ZNF536: variants seen among roughly 807,000 people sequenced by gnomAD.
ZNF536 encodes the protein zinc finger protein 536.
Under a neutral mutation model 84.5 loss-of-function variants are expected in ZNF536, and 13 were observed. That is an observed-to-expected ratio of 0.15 (90% CI 0.10 to 0.24). ZNF536 has a LOEUF of 0.24. Ranked by LOEUF, ZNF536 falls within the 10% of genes least tolerant of loss-of-function variation. The probability of loss-of-function intolerance (pLI) is 1.00; values close to 1 mark genes in which losing one functional copy is unlikely to be tolerated. For missense variants in ZNF536, 1,536 were observed against 1,747.5 expected, an observed-to-expected ratio of 0.88 and a Z score of 2.16; for synonymous variants, 811 against 742.5, an observed-to-expected ratio of 1.09 and a Z score of -1.50.
intron 2 of ZNF536, among the ~76,000 whole-genome samples, chr19:30,325,446 T>C (rs983928853): frequency 6.6e-6 from 1 of 152,146 alleles, no homozygotes; most frequent in Admixed American, 6.6e-5. Context: ...CCCAGTTTCT[T>C]CACATGTAAA....
chr19:30,335,103 A>G (rs958331660), intron 2 of ZNF536, among the ~76,000 whole-genome samples: 2 of 152,134 alleles, frequency 1.3e-5, no homozygotes, highest in Admixed American at 1.3e-4. Flanking sequence ...CGGAACAGGG[A>G]TGGGGACACA....
At chr19:30,346,599 G>A (rs905384539) in intron 2 of ZNF536, among the ~76,000 whole-genome samples, 1 of 152,102 alleles carries the variant, frequency 6.6e-6, no homozygotes. Context: ...TGCAGTATTT[G>A]GTTTTCTATT....
At chr19:30,550,315 T>C (rs2045724965) in intron 4 of ZNF536, among the ~76,000 whole-genome samples, 2 of 152,196 alleles carry the variant, frequency 1.3e-5, no homozygotes, top group African/African-American at 4.8e-5. Flanking sequence ...CCGAACATCA[T>C]TGTAAGTTTA....
At chr19:30,304,073 A>T (rs1236110191) in intron 2 of ZNF536, among the ~76,000 whole-genome samples, 1 of 152,140 alleles carries the variant, frequency 6.6e-6, no homozygotes, top group Non-Finnish European at 1.5e-5. Flanking sequence ...TCAGGGTCTT[A>T]AGAGTTCCCG....
At chr19:30,402,369 C>CATT (rs2050078610) in intron 1 of ZNF536, among the ~76,000 whole-genome samples, 1 of 152,000 alleles carries the variant, frequency 6.6e-6, no homozygotes, top group Non-Finnish European at 1.5e-5. Flanking sequence ...TTACTTTTCT[C>CATT]TTGAATGGGT....
At chr19:30,265,233 T>A (rs2025449559) in intron 1 of ZNF536, among the ~76,000 whole-genome samples, 1 of 152,094 alleles carries the variant, frequency 6.6e-6, no homozygotes, top group African/African-American at 2.4e-5. Flanking sequence ...AGCCCAAACA[T>A]TTCCCAAATG....
chr19:30,585,698 C>T (rs1005428743), intron 1 of ZNF536, among the ~76,000 whole-genome samples: 6 of 152,144 alleles, frequency 3.9e-5, no homozygotes, highest in African/African-American at 1.4e-4. Flanking sequence ...AGTCTCATCC[C>T]TGCTATCTTT....
chr19:30,710,479 G>T (rs560934190), intron 1 of ZNF536, among the ~76,000 whole-genome samples: 15 of 152,312 alleles, frequency 9.8e-5, no homozygotes, highest in African/African-American at 3.4e-4. Flanking sequence ...GTTTGAGGCT[G>T]CAGTGAGATA....
intron 1 of ZNF536, among the ~76,000 whole-genome samples, chr19:30,275,857 G>T (rs912729344): frequency 6.6e-6 from 1 of 151,830 alleles, no homozygotes; most frequent in South Asian, 2.1e-4. Flanking sequence ...GTGTGTGTGT[G>T]TGTAAATACA....
intron 1 of ZNF536, among the ~76,000 whole-genome samples, chr19:30,643,028 A>T (rs2049322351): frequency 6.6e-6 from 1 of 151,988 alleles, no homozygotes; most frequent in African/African-American, 2.4e-5. Flanking sequence ...TTAAGTTATG[A>T]CCCGTCTTGA....
At chr19:30,261,740 T>C (rs189634713) in intron 1 of ZNF536, among the ~76,000 whole-genome samples, 170 of 150,758 alleles carry the variant, frequency 1.1e-3, no homozygotes, top group East Asian at 4.6e-3. Context: ...TGAGTTGATT[T>C]AAAGTTAATT....
chr19:30,363,274 T>C (rs1240487686), intron 3 of ZNF536, among the ~76,000 whole-genome samples: 1 of 152,160 alleles, frequency 6.6e-6, no homozygotes, highest in Non-Finnish European at 1.5e-5. Flanking sequence ...ATCGGCAGCA[T>C]GTATGTTCAG....
chr19:30,357,651 C>T (rs1469931986), intron 3 of ZNF536, among the ~76,000 whole-genome samples: 1 of 152,110 alleles, frequency 6.6e-6, no homozygotes, highest in Non-Finnish European at 1.5e-5. Context: ...GAAAGATGGA[C>T]AGCAGCACTG....
At chr19:30,618,697 C>A (rs182911238) in intron 1 of ZNF536, among the ~76,000 whole-genome samples, 1 of 151,880 alleles carries the variant, frequency 6.6e-6, no homozygotes, top group Non-Finnish European at 1.5e-5. Context: ...CTAATAGTTA[C>A]CTTTGTATAT....
intron 1 of ZNF536, among the ~76,000 whole-genome samples, chr19:30,431,703 G>A (rs543446242): frequency 6.6e-6 from 1 of 152,340 alleles, no homozygotes; most frequent in East Asian, 1.9e-4. Context: ...TAAAGGAGCA[G>A]GGAGGTGTAG....
intron 1 of ZNF536, among the ~76,000 whole-genome samples, chr19:30,697,285 T>C (rs1831023585): frequency 6.6e-6 from 1 of 152,160 alleles, no homozygotes; most frequent in Admixed American, 6.5e-5. Context: ...GCAATTCAAG[T>C]TGAGATTTGG....
chr19:30,556,292 G>GGCT (rs2045962806), intron 4 of ZNF536: 1 of 152,286 alleles, frequency 6.6e-6, no homozygotes, highest in African/African-American at 2.4e-5. Context: ...TGCCCCTGCT[G>GGCT]GCTGCCTCAC....
rs1296063381 is a variant in ZNF536, at chr19:30,445,754, G to T, written c.2170+22G>T. The T allele has an allele frequency of 6.5e-7, 1 of 1,531,980 alleles. No individual in the cohort carries two copies. The highest frequency in any genetic ancestry group is 2.3e-5 in the East Asian group (1 of 44,128). 94.9% of individuals were successfully genotyped at this position (1,531,980 alleles called of 1,614,324 possible). ...TCAGGTAGGTTAGCTGAGAAGCGGG[G>T]AGAAGCAGCTTGTACAGCAGCCCTG... On this transcript the variant is annotated intron_variant, in intron 2 of 4. Transcript: ENST00000355537. The surrounding 1 kb of genome is among the most constrained non-coding windows in gnomAD (Gnocchi z 4.5).
At chr19:30,589,245 G>T (rs940608964) in intron 1 of ZNF536, among the ~76,000 whole-genome samples, 3 of 152,136 alleles carry the variant, frequency 2.0e-5, no homozygotes, top group Admixed American at 2.0e-4. Flanking sequence ...GGTTTCCATG[G>T]AAGAAAGGCT....
Sources: allele counts gnomAD v4.1 joint callset (sites outside exome capture counted in the v4.1 genomes callset), GRCh38; gene constraint gnomAD v4.1.1; non-coding constraint Gnocchi (gnomAD v3.1); transcripts MANE v1.5; gene names NCBI Gene and HGNC (gene_info 2026-07-23, HGNC 2026-07-21).